Variants in KCND3 observed in about 807,000 individuals in gnomAD.
KCND3 encodes the protein potassium voltage-gated channel subfamily D member 3.
In KCND3, 9 loss-of-function variants were observed where a neutral mutation model predicts 51.1. The observed-to-expected ratio is 0.18, with a 90% CI of 0.11 to 0.31. The LOEUF (loss-of-function observed/expected upper bound fraction) is 0.31. Among genes scored for constraint, KCND3 ranks in the 10% least tolerant of loss-of-function variants. The pLI, the probability that KCND3 is intolerant of heterozygous loss-of-function variation, is 1.00. For synonymous variants in KCND3, 349 were observed against 368.0 expected, an observed-to-expected ratio of 0.95 and a Z score of 0.59; for missense variants, 526 against 903.8, an observed-to-expected ratio of 0.58 and a Z score of 5.36.
chr1:111,988,210 G>T (rs576137554), intron 1 of KCND3, among the ~76,000 whole-genome samples: 1 of 152,132 alleles, frequency 6.6e-6, no homozygotes, highest in Non-Finnish European at 1.5e-5. Context: ...CCCATGACCC[G>T]GAGGGCTTCT....
chr1:111,899,102 T>C (rs1670262172), intron 2 of KCND3, among the ~76,000 whole-genome samples: 1 of 152,206 alleles, frequency 6.6e-6, no homozygotes, highest in Non-Finnish European at 1.5e-5. Flanking sequence ...ACAGTGCTTC[T>C]TGCTGAAGAT....
chr1:111,972,623 G>C (rs991349751), intron 2 of KCND3, among the ~76,000 whole-genome samples: 1 of 152,130 alleles, frequency 6.6e-6, no homozygotes, highest in African/African-American at 2.4e-5. Context: ...TTACCATGAA[G>C]CCAATCGTTC....
intron 2 of KCND3, among the ~76,000 whole-genome samples, chr1:111,816,158 A>G (rs147559100): frequency 3.3e-4 from 51 of 152,362 alleles, no homozygotes; most frequent in African/African-American, 1.2e-3. Context: ...CCCAGGCCCA[A>G]AGCTCGGCCG....
intron 1 of KCND3, among the ~76,000 whole-genome samples, chr1:111,985,839 G>C (rs1234111108): frequency 6.6e-6 from 1 of 152,164 alleles, no homozygotes; most frequent in Non-Finnish European, 1.5e-5. Context: ...AAGACAATAG[G>C]AATGACAATG....
intron 2 of KCND3, among the ~76,000 whole-genome samples, chr1:111,790,789 T>G (rs1487209952): frequency 6.6e-6 from 1 of 152,204 alleles, no homozygotes; most frequent in Non-Finnish European, 1.5e-5. Context: ...TCTATAGATG[T>G]CCCCGTTTTG....
intron 2 of KCND3, among the ~76,000 whole-genome samples, chr1:111,833,174 C>A (rs980838696): frequency 6.6e-6 from 1 of 152,272 alleles, no homozygotes; most frequent in Non-Finnish European, 1.5e-5. Context: ...CCACTTGACA[C>A]TATGTCTGAT....
chr1:111,861,851 G>T (rs1236718484), intron 2 of KCND3, among the ~76,000 whole-genome samples: 1 of 152,184 alleles, frequency 6.6e-6, no homozygotes, highest in African/African-American at 2.4e-5. Flanking sequence ...GCCTCTGTGG[G>T]GTCAGGAAAT....
intron 2 of KCND3, among the ~76,000 whole-genome samples, chr1:111,848,847 C>T (rs1004550336): frequency 3.3e-5 from 5 of 152,178 alleles, no homozygotes; most frequent in Non-Finnish European, 5.9e-5. Context: ...GCCAGGGACG[C>T]GGGATGTGCT....
chr1:111,776,038 C>T lies in KCND3; in HGVS notation c.*39G>A. 1 of 1,609,772 alleles carries T rather than the reference C, an allele frequency of 6.2e-7. No individual in the cohort carries two copies. The highest frequency in any genetic ancestry group is 2.2e-5 in the East Asian group (1 of 44,870). ...CACCCACCAACATGCCAGTCCCCTT[C>T]ATTCCCCACTACCCACTCTGGCCCT... On this transcript the variant is annotated 3_prime_UTR_variant, in exon 8 of 8. Coordinates refer to ENST00000302127, the MANE Select transcript of KCND3 (RefSeq NM_001378969.1).
chr1:111,963,942 T>C (rs3008538), intron 2 of KCND3, among the ~76,000 whole-genome samples: 58,831 of 152,074 alleles, frequency 0.39, 11,450 homozygotes, highest in East Asian at 0.43. Context: ...ACGGCCTTCC[T>C]TGAGGCACCA....
intron 2 of KCND3, among the ~76,000 whole-genome samples, chr1:111,903,918 A>G (rs537464719): frequency 1.3e-5 from 2 of 152,164 alleles, no homozygotes; most frequent in Admixed American, 6.5e-5. Context: ...TTATCTTACA[A>G]TGTCCAGACT....
At chr1:111,895,978 G>A (rs914761385) in intron 2 of KCND3, among the ~76,000 whole-genome samples, 1 of 152,254 alleles carries the variant, frequency 6.6e-6, no homozygotes, top group African/African-American at 2.4e-5. Context: ...CCTCAGGCAT[G>A]AGCACTTCCA....
intron 2 of KCND3, among the ~76,000 whole-genome samples, chr1:111,980,794 T>C (rs1674906913): frequency 6.6e-6 from 1 of 152,180 alleles, no homozygotes; most frequent in African/African-American, 2.4e-5. Flanking sequence ...CATCCCAGCA[T>C]CATGAATACA....
intron 2 of KCND3, among the ~76,000 whole-genome samples, chr1:111,800,240 A>G (rs1449392569): frequency 2.9e-5 from 3 of 104,622 alleles, no homozygotes; most frequent in Admixed American, 1.1e-4. Context: ...CTGTGACCTT[A>G]CCCCCAACCC....
In KCND3 at chr1:111,879,852, G is replaced by A. The variant is rs781323507; in HGVS notation, c.1107-92746C>T. Among the ~76,000 whole-genome samples the A allele has an allele frequency of 3.3e-5, 5 of 152,310 alleles. 1 individual carries two copies. The South Asian group carries it at 8.3e-4, about 25-fold the overall frequency. On this transcript the variant is annotated intron_variant, in intron 2 of 7. Coordinates refer to ENST00000302127, the MANE Select transcript of KCND3 (RefSeq NM_001378969.1). ...AGGTGCATCCAGGACAGGCTGGTGC[G>A]GTAGTGTGGTGGCGGTGGGGTGCTC...
intron 2 of KCND3, among the ~76,000 whole-genome samples, chr1:111,805,500 C>T (rs1665524453): frequency 1.3e-5 from 2 of 152,222 alleles, no homozygotes; most frequent in African/African-American, 4.8e-5. Context: ...TGACACATAC[C>T]CTGTGCATTT....
intron 2 of KCND3, among the ~76,000 whole-genome samples, chr1:111,820,672 T>A (rs1323943307): frequency 6.6e-6 from 1 of 152,220 alleles, no homozygotes; most frequent in Non-Finnish European, 1.5e-5. Flanking sequence ...AAGATGTATG[T>A]AAGTCCTAAC....
In KCND3 at chr1:111,787,010, C is replaced by T; in HGVS notation, c.1203G>A (p.Val401=). The T allele has an allele frequency of 6.2e-7, 1 of 1,614,188 alleles. No individual in the cohort carries two copies. The highest frequency in any genetic ancestry group is 8.5e-7 in the Non-Finnish European group (1 of 1,180,030). ...AAATCCGGCTAAAGTTGGAAACAAT[C>T]ACAGGGACTGGCAGGGCAATGACCA... ...GVLVIALPVP[V]IVSNFSRIYH... is the part of the protein sequence containing the mutation. The change falls in exon 3 of 8, where the codon GTG becomes GTA. Residue 401 remains valine, a synonymous_variant. Transcript: ENST00000302127.
intron 3 of KCND3, among the ~76,000 whole-genome samples, chr1:111,781,613 G>C (rs530200180): frequency 2.0e-5 from 3 of 152,144 alleles, no homozygotes; most frequent in South Asian, 4.2e-4. Flanking sequence ...TCTGCCTCCT[G>C]GGTTCAAGCA....
Sources: gnomAD v4.1 joint callset for allele counts (sites outside exome capture counted in the v4.1 genomes callset) on GRCh38, gnomAD v4.1.1 for gene constraint, MANE v1.5 for transcripts, NCBI Gene and HGNC (gene_info 2026-07-23, HGNC 2026-07-21) for gene names.